The following PTPRD variants were observed in gnomAD, a reference collection of about 807,000 sequenced individuals.
The protein encoded by PTPRD is protein tyrosine phosphatase receptor type D.
Under a neutral mutation model 214.5 loss-of-function variants are expected in PTPRD, and 34 were observed. The ratio of observed to expected loss-of-function variants is 0.16; its 90% CI spans 0.12 to 0.21. The LOEUF is 0.21. PTPRD is among the 10% of genes least tolerant of loss of function. The pLI is 1.00. For missense variants in PTPRD, 2,545 were observed against 2,398.7 expected, an observed-to-expected ratio of 1.06 and a Z score of -1.27; for synonymous variants, 1,128 against 845.7, an observed-to-expected ratio of 1.33 and a Z score of -5.79.
chr9:8,456,661 A>C (rs116656515), intron 33 of PTPRD, among the ~76,000 whole-genome samples: 35 of 152,194 alleles, frequency 2.3e-4, no homozygotes, highest in Admixed American at 1.1e-3. Context: ...CAAAGCTTGC[A>C]GAGAGCCAGT....
At chr9:8,623,130 G>A (rs2095873086) in intron 14 of PTPRD, among the ~76,000 whole-genome samples, 1 of 151,782 alleles carries the variant, frequency 6.6e-6, no homozygotes, top group East Asian at 1.9e-4. Flanking sequence ...CAGCCTGGAT[G>A]ACAAAGTGGT....
chr9:8,758,921 G>T (rs566932001), intron 11 of PTPRD, among the ~76,000 whole-genome samples: 66 of 152,000 alleles, frequency 4.3e-4, no homozygotes, highest in African/African-American at 1.6e-3. Flanking sequence ...TCCTGACCTC[G>T]TGATCCACCT....
chr9:10,076,822 A>C (rs551528689), intron 3 of PTPRD, among the ~76,000 whole-genome samples: 9 of 152,256 alleles, frequency 5.9e-5, no homozygotes, highest in Admixed American at 5.9e-4. Context: ...CAGCTAAATA[A>C]ACCTAGCGCA....
chr9:10,521,377 G>A (rs1181007811), intron 2 of PTPRD, among the ~76,000 whole-genome samples: 1 of 152,158 alleles, frequency 6.6e-6, no homozygotes, highest in Admixed American at 6.6e-5. Context: ...GTTGCTTCTT[G>A]TGGATGAGCC....
At chr9:8,911,130 G>A (rs750180805) in intron 11 of PTPRD, among the ~76,000 whole-genome samples, 21 of 152,064 alleles carry the variant, frequency 1.4e-4, no homozygotes, top group Non-Finnish European at 2.9e-4. Context: ...AAATTTATAT[G>A]AATTCAAAGG....
intron 10 of PTPRD, among the ~76,000 whole-genome samples, chr9:9,151,531 G>T (rs2099876761): frequency 6.6e-6 from 1 of 152,174 alleles, no homozygotes; most frequent in Non-Finnish European, 1.5e-5. Flanking sequence ...AGTTAAACAT[G>T]TTTAAATGAG....
At chr9:9,275,617 G>A (rs1945308444) in intron 9 of PTPRD, among the ~76,000 whole-genome samples, 1 of 151,220 alleles carries the variant, frequency 6.6e-6, no homozygotes, top group African/African-American at 2.4e-5. Context: ...ACTGTAGGAT[G>A]ACTTTGGTCC....
chr9:9,988,857 C>G (rs982548105), intron 4 of PTPRD, among the ~76,000 whole-genome samples: 11 of 151,574 alleles, frequency 7.3e-5, no homozygotes, highest in Non-Finnish European at 4.4e-5. Flanking sequence ...TTTTAATCTA[C>G]TTCCATCAGG....
chr9:10,397,389 G>A (rs2098191505), intron 2 of PTPRD, among the ~76,000 whole-genome samples: 1 of 152,022 alleles, frequency 6.6e-6, no homozygotes. Flanking sequence ...TTGTTACCTA[G>A]CAATGTTATT....
chr9:10,197,609 C>T (rs947307834), intron 3 of PTPRD, among the ~76,000 whole-genome samples: 4 of 152,038 alleles, frequency 2.6e-5, no homozygotes, highest in East Asian at 1.9e-4. Flanking sequence ...TTGAAAGGGT[C>T]AGTGGTCTTA....
intron 2 of PTPRD, among the ~76,000 whole-genome samples, chr9:10,369,822 A>G (rs1263826067): frequency 6.6e-6 from 1 of 152,108 alleles, no homozygotes; most frequent in East Asian, 1.9e-4. Flanking sequence ...TTAATGAATA[A>G]AAAATACCTA....
At chr9:10,429,621 A>G (rs2098658130) in intron 2 of PTPRD, among the ~76,000 whole-genome samples, 1 of 151,896 alleles carries the variant, frequency 6.6e-6, no homozygotes, top group African/African-American at 2.4e-5. Context: ...GTGAGGGATA[A>G]AAAATGTGTT....
chr9:9,747,578 C>G (rs1010062658), intron 6 of PTPRD, among the ~76,000 whole-genome samples: 1 of 139,072 alleles, frequency 7.2e-6, no homozygotes, highest in African/African-American at 2.7e-5. Flanking sequence ...TGGAGTTTCA[C>G]TCTTTTCGCC....
chr9:10,296,185 T>G (rs2095667299), intron 3 of PTPRD, among the ~76,000 whole-genome samples: 1 of 152,148 alleles, frequency 6.6e-6, no homozygotes, highest in Admixed American at 6.6e-5. Context: ...ATTCTTGTTC[T>G]GTGTAAAAAT....
intron 10 of PTPRD, among the ~76,000 whole-genome samples, chr9:9,027,298 T>C (rs534772691): frequency 6.6e-6 from 1 of 151,994 alleles, no homozygotes; most frequent in African/African-American, 2.4e-5. Context: ...AATAGATAGA[T>C]ATACAATGTA....
At chr9:10,578,488 AC>A (rs1366083828) in intron 2 of PTPRD, among the ~76,000 whole-genome samples, 2 of 152,150 alleles carry the variant, frequency 1.3e-5, no homozygotes, top group Non-Finnish European at 2.9e-5. Context: ...ATCCATCAAT[AC>A]ACGATTCAAA....
intron 7 of PTPRD, among the ~76,000 whole-genome samples, chr9:9,666,347 T>G (rs1473340949): frequency 6.6e-6 from 1 of 151,914 alleles, no homozygotes; most frequent in East Asian, 1.9e-4. Flanking sequence ...TAAAAAGTAG[T>G]ATCAAAAATA....
At chr9:8,492,183 C>T (rs2097163882) in intron 27 of PTPRD, among the ~76,000 whole-genome samples, 1 of 152,108 alleles carries the variant, frequency 6.6e-6, no homozygotes, top group Non-Finnish European at 1.5e-5. Context: ...AGAATCCCCA[C>T]AGCAGGGGGT....
chr9:9,623,327 TA>T (rs1229375945), intron 7 of PTPRD, among the ~76,000 whole-genome samples: 1 of 152,210 alleles, frequency 6.6e-6, no homozygotes, highest in Non-Finnish European at 1.5e-5. Context: ...CTTTAACTCC[TA>T]TCAATTATCA....
Sources: allele counts gnomAD v4.1 joint callset (sites outside exome capture counted in the v4.1 genomes callset), GRCh38; gene constraint gnomAD v4.1.1; transcripts MANE v1.5; gene names NCBI Gene and HGNC (gene_info 2026-07-23, HGNC 2026-07-21).